Variants in SGCD observed in about 807,000 individuals in gnomAD.
The protein encoded by SGCD is delta-sarcoglycan.
SGCD carries 18 observed loss-of-function variants against 36.6 expected under a neutral mutation model. The ratio of observed to expected loss-of-function variants is 0.49; its 90% CI spans 0.34 to 0.73. The LOEUF (loss-of-function observed/expected upper bound fraction) is 0.73, where lower values mean the gene tolerates loss of function less well. Among genes scored for constraint, SGCD ranks in the 30% least tolerant of loss-of-function variants. The pLI, the probability that SGCD is intolerant of heterozygous loss-of-function variation, is 0.01. For missense variants in SGCD, 387 were observed against 346.7 expected (o/e 1.12, Z -0.92); for synonymous variants, 133 against 130.6 (o/e 1.02, Z -0.12).
chr5:156,233,467 G>T (rs558704976), intron 3 of SGCD, among the ~76,000 whole-genome samples: 4 of 152,094 alleles, frequency 2.6e-5, no homozygotes, highest in African/African-American at 9.7e-5. Flanking sequence ...CTAAAAGCTC[G>T]GGTATTTAGT....
intron 4 of SGCD, among the ~76,000 whole-genome samples, chr5:156,516,320 G>A (rs1278743393): frequency 6.6e-6 from 1 of 152,206 alleles, no homozygotes. Context: ...AGAGCTCCCA[G>A]AGGAAGGAGC....
At chr5:156,745,524 AT>A (rs2113112524) in intron 7 of SGCD, among the ~76,000 whole-genome samples, 1 of 152,328 alleles carries the variant, frequency 6.6e-6, no homozygotes, top group East Asian at 1.9e-4. Context: ...AATCCAAGCA[AT>A]GTGAACTCAC....
Position 156,067,685 on chromosome 5 carries a change from G to C in SGCD, c.-281-50193G>C, listed in dbSNP as rs530235655. On this transcript the variant is annotated intron_variant, in intron 1 of 9. Transcript: ENST00000517913. ...CCGGTCTGAAAAGCGCAATATTCGG[G>C]TGGGAGTGACCCTATTTTCCAGGTG... Among the ~76,000 whole-genome samples, 25 of 119,514 alleles carry C rather than the reference G, an allele frequency of 2.1e-4. No individual in the cohort carries two copies. In the South Asian group the frequency reaches 5.8e-3, roughly 28 times the overall value. The allele number at this position is 119,514 out of a possible 152,430, so 78.4% of individuals were successfully genotyped here.
At chr5:156,482,830 T>TG (rs1231031392) in intron 3 of SGCD, among the ~76,000 whole-genome samples, 2 of 145,968 alleles carry the variant, frequency 1.4e-5, no homozygotes, top group Non-Finnish European at 3.0e-5. Flanking sequence ...TTTTTTTTTT[T>TG]TTTTTTTTAA....
At chr5:155,934,626 T>G (rs1757161848) in intron 1 of SGCD, among the ~76,000 whole-genome samples, 1 of 152,204 alleles carries the variant, frequency 6.6e-6, no homozygotes, top group Non-Finnish European at 1.5e-5. Flanking sequence ...GTGGTTAATA[T>G]TTATTAACCA....
chr5:156,101,902 C>CTGTGTGTGTGTGTGTGTGTG (rs36187985), intron 1 of SGCD, among the ~76,000 whole-genome samples: 3 of 108,046 alleles, frequency 2.8e-5, no homozygotes, highest in African/African-American at 1.2e-4. Flanking sequence ...GTGTCTCCAG[C>CTGTGTGTGTGTGTGTGTGTG]TGTGTGTGTG....
At position 156,009,495 on chromosome 5, in the gene SGCD, G is replaced by T. The variant is rs139538912; in HGVS notation, c.-281-108383G>T. On this transcript the variant is annotated intron_variant, in intron 1 of 9. Coordinates refer to the SGCD transcript ENST00000517913. ...TTAGCCTGCTATTTCAGATTGTTGG[G>T]GACATTAATCTTCGTTCTTTGGATC... Among the ~76,000 whole-genome samples, 34 of 152,174 alleles carry T rather than the reference G, an allele frequency of 2.2e-4. No individual in the cohort carries two copies. In the East Asian group the frequency reaches 5.6e-3, roughly 25 times the overall value.
intron 1 of SGCD, among the ~76,000 whole-genome samples, chr5:155,990,677 GATTT>G (rs1161425723): frequency 2.0e-5 from 3 of 152,122 alleles, no homozygotes; most frequent in Admixed American, 6.6e-5. Context: ...TAATGGGATT[GATTT>G]ATTTAATAAT....
intron 3 of SGCD, among the ~76,000 whole-genome samples, chr5:156,296,951 TAC>T (rs1004387629): frequency 3.3e-5 from 5 of 151,798 alleles, no homozygotes; most frequent in African/African-American, 9.7e-5. Flanking sequence ...TACACACACA[TAC>T]ACACACTATA....
intron 1 of SGCD, among the ~76,000 whole-genome samples, chr5:156,035,532 C>T (rs1292122914): frequency 6.6e-6 from 1 of 152,064 alleles, no homozygotes; most frequent in Non-Finnish European, 1.5e-5. Context: ...ATCACTTGAA[C>T]ATAGATGTTT....
intron 3 of SGCD, among the ~76,000 whole-genome samples, chr5:156,182,901 C>T (rs2127628015): frequency 6.6e-6 from 1 of 152,352 alleles, no homozygotes; most frequent in East Asian, 1.9e-4. Context: ...TCGGCCATCA[C>T]TGTGAGGATA....
chr5:156,124,169 A>T (rs576195817), intron 3 of SGCD: 21 of 152,320 alleles, frequency 1.4e-4, no homozygotes, highest in African/African-American at 5.1e-4. Context: ...TCTTGAAAAG[A>T]TACCATCACT....
At chr5:155,854,876 G>A in the SGCD span, among the ~76,000 whole-genome samples, 13 of 152,238 alleles carry the variant, frequency 8.5e-5, no homozygotes, top group African/African-American at 3.1e-4. Flanking sequence ...GTGCTTACAA[G>A]GGCCTCAAAG....
intron 3 of SGCD, among the ~76,000 whole-genome samples, chr5:156,125,640 A>T (rs961903565): frequency 6.6e-6 from 1 of 151,818 alleles, no homozygotes; most frequent in Non-Finnish European, 1.5e-5. Context: ...TCTTTTTGAC[A>T]TCTTTAAGGA....
At chr5:156,669,219 G>T (rs914643125) in intron 7 of SGCD, among the ~76,000 whole-genome samples, 3 of 152,092 alleles carry the variant, frequency 2.0e-5, no homozygotes, top group Non-Finnish European at 4.4e-5. Context: ...TCGTCAGTGG[G>T]CACTGAGTGG....
At chr5:155,765,503 A>G in the SGCD span, among the ~76,000 whole-genome samples, 1 of 152,128 alleles carries the variant, frequency 6.6e-6, no homozygotes, top group African/African-American at 2.4e-5. Context: ...GAAGCCATAT[A>G]GGCAATCTAA....
intron 3 of SGCD, among the ~76,000 whole-genome samples, chr5:156,167,385 C>T (rs181837475): frequency 7.2e-5 from 11 of 152,174 alleles, no homozygotes; most frequent in Admixed American, 2.0e-4. Context: ...GTCTTCTCCC[C>T]AGTGTATCTC....
intron 3 of SGCD, among the ~76,000 whole-genome samples, chr5:156,352,615 T>G (rs941333715): frequency 6.6e-6 from 1 of 152,228 alleles, no homozygotes; most frequent in African/African-American, 2.4e-5. Flanking sequence ...TTAGTTTCTA[T>G]TCGTTAACAT....
Position 155,907,804 on chromosome 5 carries a change from A to G in SGCD, c.-282+37380A>G, listed in dbSNP as rs187392187. 3.2e-3 allele frequency among the ~76,000 whole-genome samples: 492 copies of G among 152,296 alleles called. 1 individual carries two copies. Among genetic ancestry groups the G allele is most frequent in the Middle Eastern group, 0.017 (5 of 294 alleles). On this transcript the variant is annotated intron_variant, in intron 1 of 9. Coordinates refer to the SGCD transcript ENST00000517913. ...AACTAGAAAAGATTTAGAATGGTACAGAAACTTTGATGATGAAGCAATGAT... is the reference window on the plus strand; with the variant it reads ...AACTAGAAAAGATTTAGAATGGTACGGAAACTTTGATGATGAAGCAATGAT...
Sources: gnomAD v4.1 joint callset for allele counts (sites outside exome capture counted in the v4.1 genomes callset) on GRCh38, gnomAD v4.1.1 for gene constraint, MANE v1.5 for transcripts, NCBI Gene and HGNC (gene_info 2026-07-23, HGNC 2026-07-21) for gene names.